The following MAOB variants were observed in gnomAD, a reference collection of about 807,000 sequenced individuals.
The protein encoded by MAOB is amine oxidase [flavin-containing] B.
In MAOB, 15 loss-of-function variants were observed where a neutral mutation model predicts 41.9. That is an observed-to-expected ratio of 0.36 (90% CI 0.24 to 0.55). The LOEUF is 0.55. Ranked by LOEUF, MAOB falls within the 20% of genes least tolerant of loss-of-function variation. The probability of loss-of-function intolerance (pLI) is 0.86; values close to 1 mark genes in which losing one functional copy is unlikely to be tolerated. For missense variants in MAOB, 345 were observed against 398.7 expected (o/e 0.87, Z 1.15); for synonymous variants, 167 against 144.2 (o/e 1.16, Z -1.13).
intron 1 of MAOB, among the ~76,000 whole-genome samples, chrX:43,844,171 C>A (rs1334206622): frequency 9.0e-6 from 1 of 110,910 alleles, no homozygotes; most frequent in Non-Finnish European, 1.9e-5. Flanking sequence ...GGACAGTGGG[C>A]CTTCAAAGTG....
intron 11 of MAOB, 92 bp from the exon 12 acceptor site, chrX:43,775,364 C>T: frequency 9.0e-7 from 1 of 1,112,200 alleles, no homozygotes. Flanking sequence ...TTTGTATTGT[C>T]AAACCAATGT....
intron 12 of MAOB, 144 bp from the exon 13 acceptor site, chrX:43,769,562 G>A (rs2034155190): frequency 1.1e-6 from 1 of 946,071 alleles, no homozygotes; most frequent in Admixed American, 4.7e-5. Context: ...TGTTTATGTG[G>A]TTCCTCCAGC....
intron 2 of MAOB, among the ~76,000 whole-genome samples, chrX:43,841,844 C>T (rs1202637267): frequency 9.0e-6 from 1 of 111,660 alleles, no homozygotes; most frequent in Non-Finnish European, 1.9e-5. Flanking sequence ...GCAGGAAAAA[C>T]GGACTATCCA....
In MAOB at chrX:43,876,019, C is replaced by T. The variant is rs185673147; in HGVS notation, c.46+6235G>A. ...TGTCTCCCAGGCTGGAGGGCAGTGG[C>T]ACAATCTCGGCTCACTGTAACCTCT... On this transcript the variant is annotated intron_variant, in intron 1 of 14. Coordinates refer to ENST00000378069, the MANE Select transcript of MAOB (RefSeq NM_000898.5). 7.2e-5 allele frequency among the ~76,000 whole-genome samples: 8 copies of T among 111,426 alleles called. No homozygotes were observed. The Admixed American group carries it at 7.6e-4, about 11-fold the overall frequency.
chrX:43,802,194 G>A lies in MAOB; in HGVS notation c.454C>T (p.Leu152=), dbSNP rs1256889044. 8.3e-7 allele frequency: 1 copy of A among 1,207,774 alleles called. No homozygotes were observed. The highest frequency in any genetic ancestry group is 1.8e-5 in the South Asian group (1 of 56,100). Residue 152 remains leucine (L), a synonymous_variant, in exon 5 of 15, where the codon CTG becomes TTG. Transcript: ENST00000378069. The stretch of plus-strand genomic sequence containing the variant: ...TACTCAGTCCAGCAGAGCTTGTCCA[G>A]TAGCTCCTTCATTGTCATGTTGTCC... ...EWDNMTMKEL[L]DKLCWTESAK...
intron 3 of MAOB, among the ~76,000 whole-genome samples, chrX:43,808,633 C>A (rs1341131793): frequency 1.1e-5 from 1 of 89,146 alleles, no homozygotes; most frequent in African/African-American, 4.3e-5. Flanking sequence ...GCATCCTGCA[C>A]ATCTATATCT....
At chrX:43,877,009 C>G (rs976878408) in intron 1 of MAOB, among the ~76,000 whole-genome samples, 1 of 112,458 alleles carries the variant, frequency 8.9e-6, no homozygotes, top group African/African-American at 3.2e-5. Context: ...CTATTGTGTG[C>G]CTGCCAAATG....
chrX:43,804,759 A>C (rs953615631), intron 3 of MAOB, among the ~76,000 whole-genome samples: 1 of 111,871 alleles, frequency 8.9e-6, no homozygotes, highest in Non-Finnish European at 1.9e-5. Flanking sequence ...TTTTCTCTTA[A>C]GGACTTCAAC....
rs983212492 is a variant in MAOB at position 43,802,290 on chromosome X, G to A, written c.385-27C>T. 8 of 972,805 alleles carry A rather than the reference G, an allele frequency of 8.2e-6. No individual in the cohort carries two copies. The African/African-American group carries it at 1.3e-4, about 16-fold the overall frequency. 80.2% of individuals were successfully genotyped at this position (972,805 alleles called of 1,213,427 possible). A position where few individuals can be genotyped will look rare whatever the true frequency, so the allele number is the denominator to read the frequency against. ...TACATTCAGATGAGGATTCGAAGGA[G>A]AAAGACAAATGTAATTTTCTCTTTT... On this transcript the variant is annotated intron_variant, in intron 4 of 14. Transcript: ENST00000378069.
At chrX:43,769,209 T>A in intron 13 of MAOB, 98 bp downstream of exon 13, 3 of 1,041,369 alleles carry the variant, frequency 2.9e-6, no homozygotes, top group East Asian at 3.5e-5. Flanking sequence ...AGATGGGGGT[T>A]ACTGGAGAGT....
At chrX:43,824,991 A>G (rs1304302108) in intron 3 of MAOB, among the ~76,000 whole-genome samples, 1 of 112,589 alleles carries the variant, frequency 8.9e-6, no homozygotes, top group Non-Finnish European at 1.9e-5. Context: ...GTAAATGTCA[A>G]TGTTCTTAGA....
chrX:43,827,578 G>A (rs2034964088), intron 3 of MAOB, among the ~76,000 whole-genome samples: 1 of 111,841 alleles, frequency 8.9e-6, no homozygotes, highest in Non-Finnish European at 1.9e-5. Context: ...CATAACTTCA[G>A]TCATATTCTC....
rs1269258923 is a variant in MAOB, at chrX:43,797,256, G to T, written c.487C>A (p.Gln163Lys). Residue 163 changes from glutamine (Q) to lysine (K), a missense_variant, in exon 6 of 15, where the codon CAG becomes AAG. Gln to Lys is a moderately conservative substitution (Grantham distance 53). Coordinates refer to ENST00000378069, the MANE Select transcript of MAOB (RefSeq NM_000898.5). ...DKLCWTESAK[Q>K]LATLFVNLCV... ...AGGTTCACAAAGAGAGTGGCAAGCT[G>T]CTTTGCAGATCTGCACAGGAAGAAA... 1 of 1,194,345 alleles carries T rather than the reference G, an allele frequency of 8.4e-7. No individual in the cohort carries two copies. The highest frequency in any genetic ancestry group is 1.1e-6 in the Non-Finnish European group (1 of 886,647).
At chrX:43,775,051 G>T (rs1376635899) in intron 12 of MAOB, 124 bp downstream of exon 12, 6 of 734,570 alleles carry the variant, frequency 8.2e-6, no homozygotes, top group Non-Finnish European at 1.1e-5. Flanking sequence ...AAGGAAATTG[G>T]GTTGTTTTTT....
intron 1 of MAOB, among the ~76,000 whole-genome samples, chrX:43,864,938 A>G (rs1442290743): frequency 8.9e-6 from 1 of 111,917 alleles, no homozygotes; most frequent in East Asian, 2.8e-4. Context: ...GTGTACCTGC[A>G]CTATGTGACA....
chrX:43,795,687 G>T, intron 7 of MAOB, 52 bp downstream of exon 7: 2 of 1,046,336 alleles, frequency 1.9e-6, no homozygotes, highest in East Asian at 3.0e-5. Context: ...AAAGTTGTAT[G>T]CCAGGAAACT....
At chrX:43,859,017 C>T (rs1359825168) in intron 1 of MAOB, among the ~76,000 whole-genome samples, 1 of 111,531 alleles carries the variant, frequency 9.0e-6, no homozygotes, top group Non-Finnish European at 1.9e-5. Flanking sequence ...AAGAATCATT[C>T]TAGATAGATC....
chrX:43,859,139 G>C (rs1214067668), intron 1 of MAOB, among the ~76,000 whole-genome samples: 1 of 111,495 alleles, frequency 9.0e-6, no homozygotes, highest in Non-Finnish European at 1.9e-5. Flanking sequence ...ACCTATTGCT[G>C]GTTGGGCAAA....
intron 3 of MAOB, among the ~76,000 whole-genome samples, chrX:43,824,297 A>G (rs1331501652): frequency 1.8e-5 from 2 of 112,629 alleles, no homozygotes; most frequent in Admixed American, 9.4e-5. Context: ...AGTGAGCCAC[A>G]TAGTCTAAAA....
Sources: allele counts gnomAD v4.1 joint callset (sites outside exome capture counted in the v4.1 genomes callset), GRCh38; gene constraint gnomAD v4.1.1; transcripts MANE v1.5; gene names NCBI Gene and HGNC (gene_info 2026-07-23, HGNC 2026-07-21).